The following PDE8A variants were observed in gnomAD, a reference collection of about 807,000 sequenced individuals.
The protein encoded by PDE8A is high affinity cAMP-specific and IBMX-insensitive 3',5'-cyclic phosphodiesterase 8A.
PDE8A carries 59 observed loss-of-function variants against 105.0 expected under a neutral mutation model. That is an observed-to-expected ratio of 0.56 (90% CI 0.46 to 0.70). The LOEUF (loss-of-function observed/expected upper bound fraction) is 0.70. PDE8A is among the 30% of genes least tolerant of loss of function. The pLI is 0.00. For synonymous variants in PDE8A, 355 were observed against 371.9 expected (o/e 0.95, Z 0.52); for missense variants, 1,014 against 1,045.9 (o/e 0.97, Z 0.42).
intron 1 of PDE8A, among the ~76,000 whole-genome samples, chr15:85,062,247 T>C (rs1422668819): frequency 6.7e-6 from 1 of 150,300 alleles, no homozygotes; most frequent in Admixed American, 6.6e-5. Context: ...CAGGATTTGC[T>C]GTTATTGTTT....
intron 19 of PDE8A, among the ~76,000 whole-genome samples, chr15:85,125,543 G>A (rs1407419476): frequency 6.6e-6 from 1 of 152,170 alleles, no homozygotes. Flanking sequence ...GGCTCGGCTG[G>A]TTGCTTTGGA....
At chr15:85,072,697 G>A (rs2081328966) in intron 3 of PDE8A, among the ~76,000 whole-genome samples, 1 of 150,626 alleles carries the variant, frequency 6.6e-6, no homozygotes, top group African/African-American at 2.4e-5. Context: ...GCCCTGGACT[G>A]TCTCCTCTGC....
intron 11 of PDE8A, among the ~76,000 whole-genome samples, chr15:85,101,677 ACCAGCATTG>A (rs2081864093): frequency 6.6e-6 from 1 of 152,206 alleles, no homozygotes; most frequent in Non-Finnish European, 1.5e-5. Flanking sequence ...AGAGAAGAAT[ACCAGCATTG>A]CCATGGTCGA....
intron 14 of PDE8A, 150 bp downstream of exon 14, chr15:85,114,187 G>A (rs1258675425): frequency 7.4e-6 from 5 of 675,520 alleles, no homozygotes; most frequent in South Asian, 2.0e-5. Context: ...CCTGGGTTCT[G>A]CTATTCTCTG....
At chr15:84,983,146 A>G (rs1280840862) in intron 1 of PDE8A, among the ~76,000 whole-genome samples, 1 of 152,214 alleles carries the variant, frequency 6.6e-6, no homozygotes, top group African/African-American at 2.4e-5. Context: ...TCTAAAGGAA[A>G]GTTAAAAAGG....
chr15:85,119,380 A>G (rs1171572381), intron 17 of PDE8A, among the ~76,000 whole-genome samples: 1 of 145,890 alleles, frequency 6.9e-6, no homozygotes, highest in African/African-American at 2.5e-5. Flanking sequence ...AGGCAGGAGA[A>G]TCACTTGAAC....
intron 1 of PDE8A, among the ~76,000 whole-genome samples, chr15:85,010,270 A>G (rs2080218278): frequency 6.6e-6 from 1 of 152,222 alleles, no homozygotes; most frequent in Non-Finnish European, 1.5e-5. Flanking sequence ...TTAACCTTCA[A>G]TAAAAATGTC....
intron 11 of PDE8A, among the ~76,000 whole-genome samples, chr15:85,107,422 G>A (rs930022214): frequency 6.6e-6 from 1 of 152,200 alleles, no homozygotes; most frequent in Admixed American, 6.5e-5. Context: ...TCGCTTGGCT[G>A]CCTGCAGAGA....
intron 1 of PDE8A, among the ~76,000 whole-genome samples, chr15:85,061,430 G>GAACAT (rs2081143818): frequency 6.6e-6 from 1 of 151,910 alleles, no homozygotes; most frequent in Non-Finnish European, 1.5e-5. Context: ...AGTAGAGACG[G>GAACAT]GGTTTCACCA....
chr15:84,994,434 CAG>C (rs1256775363), intron 1 of PDE8A, among the ~76,000 whole-genome samples: 2 of 152,230 alleles, frequency 1.3e-5, no homozygotes, highest in Non-Finnish European at 2.9e-5. Context: ...CAAATCAAGA[CAG>C]AACATTTCCA....
intron 1 of PDE8A, among the ~76,000 whole-genome samples, chr15:85,014,891 C>T (rs1025204560): frequency 6.6e-6 from 1 of 152,158 alleles, no homozygotes; most frequent in African/African-American, 2.4e-5. Context: ...CAAAGAAACC[C>T]TGTACCTAAT....
Position 85,117,656 on chromosome 15 carries a change from T to C in PDE8A, c.1551T>C (p.Leu517=). The C allele has an allele frequency of 6.2e-7, 1 of 1,614,084 alleles. No homozygotes were observed. Among genetic ancestry groups the C allele is most frequent in the South Asian group, 1.1e-5 (1 of 91,078 alleles). ...AATHNRPLIY[L]GLKMFARFGI... ...CTGTCTATAGGCCTTTGATTTATCTTGGTCTCAAAATGTTTGCTCGCTTTG... is the reference window on the plus strand; with the variant it reads ...CTGTCTATAGGCCTTTGATTTATCTCGGTCTCAAAATGTTTGCTCGCTTTG... Residue 517 remains leucine (L), a synonymous_variant, in exon 17 of 22, where the codon CTT becomes CTC. Coordinates refer to ENST00000394553, the MANE Select transcript of PDE8A (RefSeq NM_002605.3).
intron 20 of PDE8A, among the ~76,000 whole-genome samples, chr15:85,131,823 G>C (rs2141650642): frequency 6.6e-6 from 1 of 152,224 alleles, no homozygotes; most frequent in Admixed American, 6.5e-5. Flanking sequence ...ATCTAGGAAT[G>C]TCTTAATTCC....
In PDE8A at chr15:85,049,989, G is replaced by A. The variant is rs534253140; in HGVS notation, c.187-14381G>A. On this transcript the variant is annotated intron_variant, in intron 1 of 21. Coordinates refer to ENST00000394553, the MANE Select transcript of PDE8A (RefSeq NM_002605.3). ...TTCCAGTTTTTCCATGTTCTCATCA[G>A]CACTTGTTATTTTCTGGTAGTAGTG... 4.6e-5 allele frequency among the ~76,000 whole-genome samples: 7 copies of A among 152,116 alleles called. No individual in the cohort carries two copies. The East Asian group carries it at 1.2e-3, about 25-fold the overall frequency.
chr15:85,121,102 C>T, intron 18 of PDE8A, 88 bp downstream of exon 18: 1 of 855,422 alleles, frequency 1.2e-6, no homozygotes, highest in East Asian at 2.7e-5. Flanking sequence ...TTATACAGTT[C>T]ACCCATTTAA....
intron 12 of PDE8A, among the ~76,000 whole-genome samples, chr15:85,112,147 C>A (rs2082029873): frequency 6.6e-6 from 1 of 151,914 alleles, no homozygotes; most frequent in Admixed American, 6.6e-5. Flanking sequence ...TACCTTATTG[C>A]TCTGTTTGAT....
chr15:85,060,396 G>A (rs2081124986), intron 1 of PDE8A, among the ~76,000 whole-genome samples: 1 of 152,096 alleles, frequency 6.6e-6, no homozygotes, highest in South Asian at 2.1e-4. Context: ...TGGGTTCCAC[G>A]TCCATGGATT....
intron 1 of PDE8A, among the ~76,000 whole-genome samples, chr15:85,060,616 T>G (rs573420911): frequency 1.2e-4 from 19 of 152,320 alleles, no homozygotes; most frequent in Admixed American, 1.2e-3. Flanking sequence ...CTGGAACCAA[T>G]TCCCTGCAGA....
chr15:85,135,334 C>G (rs1196850143), intron 20 of PDE8A, among the ~76,000 whole-genome samples: 1 of 152,138 alleles, frequency 6.6e-6, no homozygotes, highest in Non-Finnish European at 1.5e-5. Context: ...CCTTACCACA[C>G]CTGGCCCAAC....
Sources: allele counts gnomAD v4.1 joint callset (sites outside exome capture counted in the v4.1 genomes callset), GRCh38; gene constraint gnomAD v4.1.1; transcripts MANE v1.5; gene names NCBI Gene and HGNC (gene_info 2026-07-23, HGNC 2026-07-21).